CYP2A7: variants seen among roughly 807,000 people sequenced by gnomAD.
CYP2A7 encodes the protein cytochrome P450 2A7.
Under a neutral mutation model 42.0 loss-of-function variants are expected in CYP2A7, and 36 were observed. The observed-to-expected ratio is 0.86, with a 90% CI of 0.66 to 1.13. The LOEUF (loss-of-function observed/expected upper bound fraction) is 1.13, where lower values mean the gene tolerates loss of function less well. CYP2A7 is among the 50% of genes most tolerant of loss of function. CYP2A7 has a pLI of 0.00. For synonymous variants in CYP2A7, 260 were observed against 249.5 expected (o/e 1.04, Z -0.40); for missense variants, 661 against 634.1 (o/e 1.04, Z -0.46).
chr19:40,877,419 C>G lies in CYP2A7; in HGVS notation c.974-42G>C, dbSNP rs777484409. ...AATGTGTTTAGGTATCTGGGAGTCT[C>G]AGAGCAGGAAATGATAGTCTGAATA... On this transcript the variant is annotated intron_variant, in intron 6 of 8. Transcript: ENST00000301146. 12 of 1,603,492 alleles carry G rather than the reference C, an allele frequency of 7.5e-6. 1 individual carries two copies. The highest frequency in any genetic ancestry group is 7.7e-6 in the Non-Finnish European group (9 of 1,172,788).
intron 4 of CYP2A7, 73 bp downstream of exon 4, chr19:40,880,011 C>T: frequency 6.3e-7 from 1 of 1,584,542 alleles, no homozygotes; most frequent in Non-Finnish European, 8.6e-7. Context: ...GAGTTTGGGG[C>T]ACCTGTCTCC....
Position 40,880,982 on chromosome 19 carries a change from A to G in CYP2A7, c.344-354T>C, listed in dbSNP as rs891610284. ...AAGGGTAGGAAGTGGGGAGAGAAAG[A>G]GAGAGATGGAGGAAGAGGATGGAGG... On this transcript the variant is annotated intron_variant, in intron 2 of 8. Transcript: ENST00000301146. 1.4e-4 allele frequency among the ~76,000 whole-genome samples: 21 copies of G among 150,996 alleles called. 1 individual carries two copies. The highest frequency in any genetic ancestry group is 2.7e-4 in the Admixed American group (4 of 15,080).
At position 40,878,573 on chromosome 19, in the gene CYP2A7, G is replaced by T. The variant is rs530935643; in HGVS notation, c.831+187C>A. On this transcript the variant is annotated intron_variant, in intron 5 of 8. Coordinates refer to ENST00000301146, the MANE Select transcript of CYP2A7 (RefSeq NM_000764.3). ...TGGTCTTGAACTCCTGACCTCAGGT[G>T]ATCCACCTGCCTCGGCCTCCCAAAG... Among the ~76,000 whole-genome samples the T allele has an allele frequency of 2.1e-3, 320 of 151,928 alleles. 4 individuals carry two copies. Among genetic ancestry groups the T allele is most frequent in the African/African-American group, 7.6e-3 (316 of 41,512 alleles).
At chr19:40,878,708 G>A in intron 5 of CYP2A7, 52 bp downstream of exon 5, 5 of 1,599,030 alleles carry the variant, frequency 3.1e-6, no homozygotes, top group Non-Finnish European at 4.3e-6. Context: ...CTCCCAGTCT[G>A]ATTTCCCTCT....
intron 1 of CYP2A7, 50 bp downstream of exon 1, chr19:40,881,981 C>G (rs1442352090): frequency 6.3e-7 from 1 of 1,583,078 alleles, no homozygotes; most frequent in East Asian, 2.2e-5. Context: ...AAGCCCCAGC[C>G]AACTAGGCAG....
chr19:40,878,837 C>T lies in CYP2A7; in HGVS notation c.754G>A (p.Val252Met), dbSNP rs745669646. Residue 252 changes from valine to methionine, a missense_variant, in exon 5 of 9, where the codon GTG (valine) becomes ATG (methionine). Val to Met is a conservative substitution (Grantham distance 21, BLOSUM62 1). Around this residue, in one of 3 missense-constraint regions of CYP2A7, gnomAD observed 614 missense variants for 552.4 expected, o/e 1.11. Transcript: ENST00000301146. Reference protein sequence around the residue: ...QGLEDFIAKKVEHNQRTLDPN... With the variant: ...QGLEDFIAKKMEHNQRTLDPN... ...TCCAGCGTGCGCTGGTTGTGCTCCA[C>T]CTTCTTGGCTATGAAGTCCTCCAGC... 7 of 1,612,210 alleles carry T rather than the reference C, an allele frequency of 4.3e-6. No homozygotes were observed. Among genetic ancestry groups the T allele is most frequent in the East Asian group, 2.2e-5 (1 of 44,890 alleles).
intron 2 of CYP2A7, among the ~76,000 whole-genome samples, chr19:40,881,147 A>T (rs1306406789): frequency 6.6e-6 from 1 of 151,618 alleles, no homozygotes; most frequent in Non-Finnish European, 1.5e-5. Context: ...TTACCAGGAG[A>T]TGGAGGCTGG....
chr19:40,879,428 T>A (rs140312827), intron 4 of CYP2A7, among the ~76,000 whole-genome samples: 113 of 151,706 alleles, frequency 7.4e-4, no homozygotes, highest in African/African-American at 2.4e-3. Context: ...GATGTTGAAG[T>A]GCAGGGGATA....
chr19:40,880,752 G>C, intron 2 of CYP2A7, 124 bp from the exon 3 acceptor site: 1 of 718,084 alleles, frequency 1.4e-6, no homozygotes, highest in East Asian at 3.3e-5. Context: ...GATGGATTCA[G>C]TGCCAGTGCC....
intron 5 of CYP2A7, 87 bp downstream of exon 5, chr19:40,878,673 G>C (rs4453619): frequency 0.085 from 130,029 of 1,533,772 alleles, 8,592 homozygotes; most frequent in African/African-American, 0.24. Flanking sequence ...TAATTTGAAC[G>C]GGTCTGTGTC....
At chr19:40,880,319 G>A (rs1967626046) in intron 3 of CYP2A7, 75 bp from the exon 4 acceptor site, 1 of 1,563,256 alleles carries the variant, frequency 6.4e-7, no homozygotes, top group African/African-American at 1.4e-5. Flanking sequence ...AATTCCAGGA[G>A]GCAGGGCCTT....
Position 40,880,483 on chromosome 19 carries a change from C to CCA in CYP2A7, c.488_489insTG (p.His164GlyfsTer12). On this transcript the variant is annotated frameshift_variant, in exon 3 of 9. Coordinates refer to ENST00000301146, the MANE Select transcript of CYP2A7 (RefSeq NM_000764.3). LOFTEE classifies it high-confidence loss of function. Reference sequence around the variant, plus strand: ...CACTCGGGGAACCTTACTCACCGTGCGTGCTCCGGATGGCCTCGATGAGGA... The same window carrying CCA: ...CACTCGGGGAACCTTACTCACCGTGCCAGTGCTCCGGATGGCCTCGATGAGGA... 6.2e-7 allele frequency: 1 copy of CCA among 1,612,476 alleles called. No homozygotes were observed. The highest frequency in any genetic ancestry group is 1.7e-5 in the Admixed American group (1 of 59,876).
chr19:40,881,065 C>G (rs950853488), intron 2 of CYP2A7, among the ~76,000 whole-genome samples: 1 of 150,982 alleles, frequency 6.6e-6, no homozygotes, highest in Admixed American at 6.6e-5. Context: ...GTGAAACATT[C>G]TTAAGCTGAG....
At position 40,876,599 on chromosome 19, in the gene CYP2A7, A is replaced by C. The variant is rs1967535888; in HGVS notation, c.1231T>G (p.Phe411Val). 6.2e-7 allele frequency: 1 copy of C among 1,613,118 alleles called. No homozygotes were observed. The highest frequency in any genetic ancestry group is 1.3e-5 in the African/African-American group (1 of 75,006). Reference sequence around the variant, plus strand: ...TCATCCAGGAAATGCTGGGGATTGAAGTCCTGAGGGTTGGAGAAGAAGCTG... The same window carrying C: ...TCATCCAGGAAATGCTGGGGATTGACGTCCTGAGGGTTGGAGAAGAAGCTG... ...DPSFFSNPQD[F>V]NPQHFLDDKG... Residue 411 changes from phenylalanine (F) to valine (V), a missense_variant, in exon 8 of 9, where the codon TTC becomes GTC. By Grantham distance (50) the Phe-to-Val change is conservative. Transcript: ENST00000301146.
chr19:40,882,076 G>A lies in CYP2A7; in HGVS notation c.135C>T (p.Asn45=). 6.2e-7 allele frequency: 1 copy of A among 1,614,006 alleles called. No individual in the cohort carries two copies. Among genetic ancestry groups the A allele is most frequent in the Non-Finnish European group, 8.5e-7 (1 of 1,179,898 alleles). The change falls in exon 1 of 9, where the codon AAC becomes AAT. Residue 45 remains asparagine (N), a synonymous_variant. Coordinates refer to ENST00000301146, the MANE Select transcript of CYP2A7 (RefSeq NM_000764.3). The stretch of plus-strand genomic sequence containing the variant: ...TGTGCTCTGTGTTCAGCTGGAGGTA[G>A]TTTCCAATGAAGGGCAGTGGGGTGG... ...PGPTPLPFIG[N]YLQLNTEHIC...
chr19:40,880,796 A>AGGGGGGGGGG (rs1354151315), intron 2 of CYP2A7, among the ~76,000 whole-genome samples, 168 bp from the exon 3 acceptor site: 4 of 23,062 alleles, frequency 1.7e-4, no homozygotes, highest in African/African-American at 3.6e-4. Context: ...GAGAAACACG[A>AGGGGGGGGGG]GGGAGAGAGA....
chr19:40,875,970 G>C (rs56198581), intron 8 of CYP2A7, 96 bp from the exon 9 acceptor site: 2 of 1,134,570 alleles, frequency 1.8e-6, no homozygotes, highest in African/African-American at 3.0e-5. Flanking sequence ...CCAGGGAGGA[G>C]GGGTGGAATA....
chr19:40,878,107 AC>A lies in CYP2A7; in HGVS notation c.832-115del, dbSNP rs1293775792. ...GTCCAGACCAAAGGTGGAAAGAGGG[AC>A]CCTAGATCTACCAGACTCGCTCTAG... On this transcript the variant is annotated intron_variant, in intron 5 of 8. Coordinates refer to ENST00000301146, the MANE Select transcript of CYP2A7 (RefSeq NM_000764.3). 4.1e-6 allele frequency: 5 copies of A among 1,216,888 alleles called. No individual in the cohort carries two copies. In the East Asian group the frequency reaches 1.3e-4, roughly 31 times the overall value. 75.4% of individuals were successfully genotyped at this position (1,216,888 alleles called of 1,614,324 possible). A position where few individuals can be genotyped will look rare whatever the true frequency, so the allele number is the denominator to read the frequency against.
intron 7 of CYP2A7, 80 bp downstream of exon 7, chr19:40,877,110 G>T: frequency 1.3e-6 from 2 of 1,508,732 alleles, no homozygotes; most frequent in Non-Finnish European, 1.8e-6. Flanking sequence ...TGAGTAGAAA[G>T]CTTCTAATGG....
Sources: gnomAD v4.1 joint callset for allele counts (sites outside exome capture counted in the v4.1 genomes callset) on GRCh38, gnomAD v4.1.1 for gene constraint, gnomAD v4.1.1 regional missense constraint, MANE v1.5 for transcripts, NCBI Gene and HGNC (gene_info 2026-07-23, HGNC 2026-07-21) for gene names.